The following AGBL1 variants were observed in gnomAD, a reference collection of about 807,000 sequenced individuals.
The protein encoded by AGBL1 is cytosolic carboxypeptidase 4.
Under a neutral mutation model 118.9 loss-of-function variants are expected in AGBL1, and 130 were observed. The ratio of observed to expected loss-of-function variants is 1.09; its 90% CI spans 0.95 to 1.26. AGBL1 has a LOEUF of 1.26. Among genes scored for constraint, AGBL1 ranks in the 50% most tolerant of loss-of-function variants. The pLI, the probability that AGBL1 is intolerant of heterozygous loss-of-function variation, is 0.00. For synonymous variants in AGBL1, 555 were observed against 478.9 expected, an observed-to-expected ratio of 1.16 and a Z score of -2.08; for missense variants, 1,584 against 1,298.1, an observed-to-expected ratio of 1.22 and a Z score of -3.38.
chr15:86,785,574 G>T (rs1328894945), intron 22 of AGBL1, among the ~76,000 whole-genome samples: 2 of 151,852 alleles, frequency 1.3e-5, no homozygotes, highest in Non-Finnish European at 2.9e-5. Context: ...CACCATATTG[G>T]TCAGGCTGGT....
At chr15:86,968,933 C>G (rs948950956) in intron 23 of AGBL1, among the ~76,000 whole-genome samples, 12 of 151,860 alleles carry the variant, frequency 7.9e-5, no homozygotes, top group African/African-American at 2.9e-4. Context: ...TAATTCTATT[C>G]ATGAGGCAGA....
At chr15:86,246,637 G>A (rs1386706093) in intron 6 of AGBL1, among the ~76,000 whole-genome samples, 1 of 152,148 alleles carries the variant, frequency 6.6e-6, no homozygotes, top group Non-Finnish European at 1.5e-5. Context: ...CACGTGGGAA[G>A]GGCAAGTTTT....
At chr15:86,314,486 G>C (rs939392689) in intron 17 of AGBL1, among the ~76,000 whole-genome samples, 4 of 152,286 alleles carry the variant, frequency 2.6e-5, no homozygotes, top group African/African-American at 9.6e-5. Context: ...CCAAAAGAAG[G>C]ATGAAATTTA....
chr15:86,740,851 A>T (rs183921836), intron 22 of AGBL1, among the ~76,000 whole-genome samples: 1 of 152,198 alleles, frequency 6.6e-6, no homozygotes, highest in African/African-American at 2.4e-5. Context: ...AAGAAAATAC[A>T]GCCAAATTTT....
At chr15:86,149,993 A>G (rs1368497642) in intron 3 of AGBL1, among the ~76,000 whole-genome samples, 1 of 152,226 alleles carries the variant, frequency 6.6e-6, no homozygotes, top group East Asian at 1.9e-4. Context: ...CCGCACAACT[A>G]CATGGAAACT....
chr15:86,108,294 G>T (rs989765162), intron 1 of AGBL1, among the ~76,000 whole-genome samples: 4 of 152,210 alleles, frequency 2.6e-5, no homozygotes, highest in African/African-American at 9.7e-5. Flanking sequence ...CACTGAGAAA[G>T]GTGAGATGAT....
At chr15:86,576,839 A>G (rs116739753) in intron 21 of AGBL1, among the ~76,000 whole-genome samples, 3,590 of 152,278 alleles carry the variant, frequency 0.024, 153 homozygotes, top group African/African-American at 0.083. Context: ...GCTGCCATCC[A>G]TGTATGACAT....
At chr15:86,095,623 A>G (rs543008056) in intron 1 of AGBL1, among the ~76,000 whole-genome samples, 5 of 148,156 alleles carry the variant, frequency 3.4e-5, no homozygotes, top group East Asian at 2.0e-4. Context: ...TTACCATATC[A>G]TAATGTCACA....
chr15:86,897,787 T>TTG (rs71144079), intron 22 of AGBL1, among the ~76,000 whole-genome samples: 1 of 141,824 alleles, frequency 7.1e-6, no homozygotes, highest in African/African-American at 2.7e-5. Context: ...TTTTTTTTTT[T>TTG]GAGACAGGGA....
chr15:86,124,812 G>A (rs576618883), intron 1 of AGBL1, among the ~76,000 whole-genome samples: 1 of 152,264 alleles, frequency 6.6e-6, no homozygotes, highest in South Asian at 2.1e-4. Context: ...AGGTTGTAAT[G>A]CTTAACCTAA....
intron 22 of AGBL1, among the ~76,000 whole-genome samples, chr15:86,703,658 C>T (rs1443631484): frequency 6.6e-6 from 1 of 151,804 alleles, no homozygotes; most frequent in Non-Finnish European, 1.5e-5. Context: ...TGGTTTTTTC[C>T]CATGCTGTTC....
chr15:86,154,825 A>G (rs2077166464), intron 4 of AGBL1, among the ~76,000 whole-genome samples: 1 of 152,262 alleles, frequency 6.6e-6, no homozygotes, highest in South Asian at 2.1e-4. Context: ...GTTACACATT[A>G]CAGCATTGTA....
chr15:86,691,889 G>T (rs1237092762), intron 22 of AGBL1, among the ~76,000 whole-genome samples: 1 of 151,996 alleles, frequency 6.6e-6, no homozygotes, highest in African/African-American at 2.4e-5. Context: ...TTTTTTAGGG[G>T]CCTGATCCCA....
intron 22 of AGBL1, among the ~76,000 whole-genome samples, chr15:86,743,168 T>A (rs191361474): frequency 1.2e-4 from 18 of 152,226 alleles, no homozygotes; most frequent in East Asian, 1.9e-4. Flanking sequence ...AGTATTTTTT[T>A]AAATTATTTA....
intron 17 of AGBL1, among the ~76,000 whole-genome samples, chr15:86,330,707 G>A (rs976762135): frequency 1.3e-5 from 2 of 151,854 alleles, no homozygotes; most frequent in Admixed American, 6.6e-5. Flanking sequence ...TCCAAGGCAA[G>A]GATGAAAATC....
Position 86,154,581 on chromosome 15 carries a change from C to G in AGBL1, c.394+20C>G. The G allele has an allele frequency of 6.3e-7, 1 of 1,589,760 alleles. No homozygotes were observed. The highest frequency in any genetic ancestry group is 1.7e-5 in the Admixed American group (1 of 57,572). ...CCAGTGGTAAGTGACTCTATTGTGGCTCTCGGGGATGGCTTCCAAACCTGG... is the reference window on the plus strand; with the variant it reads ...CCAGTGGTAAGTGACTCTATTGTGGGTCTCGGGGATGGCTTCCAAACCTGG... On this transcript the variant is annotated intron_variant, in intron 4 of 22. Transcript: ENST00000614907.
At chr15:86,579,345 T>C (rs1042359192) in intron 21 of AGBL1, among the ~76,000 whole-genome samples, 9 of 152,210 alleles carry the variant, frequency 5.9e-5, no homozygotes, top group Admixed American at 2.6e-4. Context: ...AACTGCAAGA[T>C]TTATAACAAA....
At chr15:86,132,487 G>GA (rs2076833055) in intron 1 of AGBL1, among the ~76,000 whole-genome samples, 1 of 152,182 alleles carries the variant, frequency 6.6e-6, no homozygotes, top group Non-Finnish European at 1.5e-5. Flanking sequence ...AATCCTTTTA[G>GA]AAAAGCTGAA....
chr15:86,554,474 G>A lies in AGBL1; in HGVS notation c.2931G>A (p.Met977Ile), dbSNP rs770735532. The change falls in exon 21 of 23, where the codon ATG (methionine) becomes ATA (isoleucine). Residue 977 changes from methionine to isoleucine, a missense_variant. Physicochemically the swap from Met to Ile is conservative, Grantham distance 10 (BLOSUM62 1). Coordinates refer to ENST00000614907, the MANE Select transcript of AGBL1 (RefSeq NM_001386094.1). Reference protein sequence around the residue: ...STARVVVWREMGVSRSYTMES... With the variant: ...STARVVVWREIGVSRSYTMES... ...CCCGGGTGGTGGTGTGGAGAGAGAT[G>A]GGGGTGTCCAGAAGCTACACCATGG... 4.3e-5 allele frequency: 69 copies of A among 1,586,774 alleles called. No homozygotes were observed. Among genetic ancestry groups the A allele is most frequent in the Middle Eastern group, 1.7e-4 (1 of 6,042 alleles).
Sources: allele counts gnomAD v4.1 joint callset (sites outside exome capture counted in the v4.1 genomes callset), GRCh38; gene constraint gnomAD v4.1.1; transcripts MANE v1.5; gene names NCBI Gene and HGNC (gene_info 2026-07-23, HGNC 2026-07-21).